The following NHSL1 variants were observed in gnomAD, a reference collection of about 807,000 sequenced individuals.
The protein encoded by NHSL1 is NHS-like protein 1.
NHSL1 carries 48 observed loss-of-function variants against 95.0 expected under a neutral mutation model. The ratio of observed to expected loss-of-function variants is 0.51; its 90% CI spans 0.40 to 0.64. NHSL1 has a LOEUF of 0.64. Among genes scored for constraint, NHSL1 ranks in the 30% least tolerant of loss-of-function variants. The pLI is 0.00. For missense variants in NHSL1, 1,971 were observed against 2,077.7 expected (o/e 0.95, Z 1.00); for synonymous variants, 783 against 833.9 (o/e 0.94, Z 1.05).
intron 1 of NHSL1, among the ~76,000 whole-genome samples, chr6:138,515,895 GT>G (rs1301478186): frequency 2.6e-5 from 4 of 152,230 alleles, no homozygotes; most frequent in Non-Finnish European, 5.9e-5. Context: ...ATCGTCTGGA[GT>G]TGGGAATACT....
rs919550758 is a variant in NHSL1 at position 138,447,117 on chromosome 6, G to A, written c.416C>T (p.Ser139Phe). The A allele has an allele frequency of 3.9e-6, 6 of 1,551,820 alleles. No individual in the cohort carries two copies. Among genetic ancestry groups the A allele is most frequent in the African/African-American group, 1.4e-5 (1 of 73,182 alleles). Reference sequence around the variant, plus strand: ...CCAGTTCGTCTGAGTATTAAGGTCGGAGAAGTCACTTGAGGCTGGTGTTTT... The same window carrying A: ...CCAGTTCGTCTGAGTATTAAGGTCGAAGAAGTCACTTGAGGCTGGTGTTTT... The part of the protein sequence containing the change: ...RPKTPASSDF[S>F]DLNTQTNWTK... The change falls in exon 4 of 8, where the codon TCC becomes TTC. Residue 139 changes from serine (S) to phenylalanine (F), a missense_variant. Coordinates refer to ENST00000343505, the MANE Select transcript of NHSL1 (RefSeq NM_001144060.2).
At chr6:138,427,359 G>C (rs553014324) in intron 7 of NHSL1, among the ~76,000 whole-genome samples, 2 of 151,952 alleles carry the variant, frequency 1.3e-5, no homozygotes, top group South Asian at 2.1e-4. Flanking sequence ...AGAATCATTC[G>C]AATCTGGGAG....
chr6:138,595,402 T>C (rs1248847818), intron 1 of NHSL1, among the ~76,000 whole-genome samples: 1 of 152,038 alleles, frequency 6.6e-6, no homozygotes, highest in East Asian at 1.9e-4. Flanking sequence ...AACGAGATCT[T>C]GTCTCTGCAA....
intron 1 of NHSL1, among the ~76,000 whole-genome samples, chr6:138,579,351 G>A (rs879614084): frequency 2.2e-4 from 33 of 152,286 alleles, no homozygotes; most frequent in Admixed American, 1.5e-3. Context: ...AAGTTTCAGC[G>A]TAAGGAGATA....
chr6:138,598,759 G>A (rs1024818143), intron 1 of NHSL1, among the ~76,000 whole-genome samples: 2 of 152,024 alleles, frequency 1.3e-5, no homozygotes, highest in East Asian at 1.9e-4. Context: ...AACGTCCAGC[G>A]TTTCCTCATC....
intron 1 of NHSL1, among the ~76,000 whole-genome samples, chr6:138,600,143 CA>C (rs59660094): frequency 0.029 from 4,289 of 148,486 alleles, 201 homozygotes; most frequent in African/African-American, 0.1. Context: ...GACTCCATCT[CA>C]AAAAAAAAAT....
chr6:138,436,706 G>T (rs1776123644), intron 5 of NHSL1, among the ~76,000 whole-genome samples: 1 of 152,222 alleles, frequency 6.6e-6, no homozygotes, highest in Non-Finnish European at 1.5e-5. Context: ...ACAAGAGGAG[G>T]AGTCAATGCC....
chr6:138,657,637 C>A (rs1166243178), intron 1 of NHSL1, among the ~76,000 whole-genome samples: 15 of 151,518 alleles, frequency 9.9e-5, no homozygotes, highest in East Asian at 7.8e-4. Context: ...CACGGTGAAA[C>A]CCCGTCTCTA....
intron 1 of NHSL1, among the ~76,000 whole-genome samples, chr6:138,514,815 C>T (rs1272417966): frequency 1.3e-5 from 2 of 152,002 alleles, no homozygotes; most frequent in Admixed American, 6.6e-5. Flanking sequence ...TCCAGCTACT[C>T]GGGAGGCTGA....
chr6:138,538,007 T>C (rs1367374947), intron 1 of NHSL1, among the ~76,000 whole-genome samples: 1 of 152,168 alleles, frequency 6.6e-6, no homozygotes, highest in African/African-American at 2.4e-5. Context: ...ACACCCCAAA[T>C]TCTATCAAAA....
chr6:138,456,149 G>GTGCA (rs1777599329), intron 3 of NHSL1, among the ~76,000 whole-genome samples: 1 of 152,178 alleles, frequency 6.6e-6, no homozygotes, highest in African/African-American at 2.4e-5. Flanking sequence ...GTGAAAGGGG[G>GTGCA]TGCAATTAAT....
chr6:138,481,063 C>A (rs548578197), intron 2 of NHSL1, among the ~76,000 whole-genome samples: 7 of 152,282 alleles, frequency 4.6e-5, no homozygotes, highest in Middle Eastern at 3.4e-3. Context: ...AAAACTTCAT[C>A]TTAGTCCAGA....
chr6:138,434,410 TAAAA>T (rs373971787), intron 5 of NHSL1, among the ~76,000 whole-genome samples: 1 of 138,528 alleles, frequency 7.2e-6, no homozygotes, highest in East Asian at 2.0e-4. Flanking sequence ...AATAGTATGT[TAAAA>T]AAAAAAAAAG....
chr6:138,624,925 T>C (rs1784715203), intron 1 of NHSL1, among the ~76,000 whole-genome samples: 1 of 152,172 alleles, frequency 6.6e-6, no homozygotes, highest in African/African-American at 2.4e-5. Flanking sequence ...AAGGTCATCA[T>C]GGAATAAAAG....
rs1410817936 is a variant in NHSL1 at position 138,431,434 on chromosome 6, A to T, written c.2911T>A (p.Phe971Ile). The T allele has an allele frequency of 7.1e-6, 11 of 1,550,596 alleles. No individual in the cohort carries two copies. Among genetic ancestry groups the T allele is most frequent in the Non-Finnish European group, 9.6e-6 (11 of 1,146,868 alleles). ...QGSPLPHSPV[F>I]PPPPPEALIP... ...AGAGCTTCTGGCGGCGGAGGGGGGAACACAGGAGAGTGAGGCAGAGGAGAG... is the reference window on the plus strand; with the variant it reads ...AGAGCTTCTGGCGGCGGAGGGGGGATCACAGGAGAGTGAGGCAGAGGAGAG... Residue 971 changes from phenylalanine (F) to isoleucine (I), a missense_variant, in exon 6 of 8, where the codon TTC becomes ATC. Phe to Ile is a conservative substitution (Grantham distance 21, BLOSUM62 0). Transcript: ENST00000343505. The surrounding 1 kb of genome is among the most constrained non-coding windows in gnomAD (Gnocchi z 4.0).
At chr6:138,670,370 TAA>T (rs750341571) in intron 1 of NHSL1, among the ~76,000 whole-genome samples, 94 of 125,126 alleles carry the variant, frequency 7.5e-4, no homozygotes, top group Non-Finnish European at 7.5e-4. Flanking sequence ...CCGTTGAAGG[TAA>T]AAAAAAAAAA....
At chr6:138,624,588 T>C (rs1784711125) in intron 1 of NHSL1, among the ~76,000 whole-genome samples, 1 of 152,184 alleles carries the variant, frequency 6.6e-6, no homozygotes, top group South Asian at 2.1e-4. Flanking sequence ...GGGTGTCCCA[T>C]TTTTCCTGAA....
At chr6:138,640,733 A>G (rs1316900104) in intron 1 of NHSL1, among the ~76,000 whole-genome samples, 1 of 152,188 alleles carries the variant, frequency 6.6e-6, no homozygotes, top group Non-Finnish European at 1.5e-5. Flanking sequence ...TCAGAAAGTC[A>G]AAGTTATACA....
intron 3 of NHSL1, among the ~76,000 whole-genome samples, chr6:138,456,248 A>C (rs17067623): frequency 0.1 from 15,340 of 152,180 alleles, 2,188 homozygotes; most frequent in African/African-American, 0.32. Flanking sequence ...AGGAACCTGA[A>C]CCTCACAGAC....
Sources: gnomAD v4.1 joint callset for allele counts (sites outside exome capture counted in the v4.1 genomes callset) on GRCh38, gnomAD v4.1.1 for gene constraint, Gnocchi (gnomAD v3.1) non-coding constraint, MANE v1.5 for transcripts, NCBI Gene and HGNC (gene_info 2026-07-23, HGNC 2026-07-21) for gene names.